LSAMP: variants seen among roughly 807,000 people sequenced by gnomAD.
The protein encoded by LSAMP is limbic system-associated membrane protein.
In LSAMP, 7 loss-of-function variants were observed where a neutral mutation model predicts 38.6. That is an observed-to-expected ratio of 0.18 (90% CI 0.10 to 0.34). The LOEUF (loss-of-function observed/expected upper bound fraction) is 0.34, where lower values mean the gene tolerates loss of function less well. LSAMP is among the 10% of genes least tolerant of loss of function. LSAMP has a pLI of 1.00. For synonymous variants in LSAMP, 154 were observed against 166.8 expected, an observed-to-expected ratio of 0.92 and a Z score of 0.59; for missense variants, 313 against 420.0, an observed-to-expected ratio of 0.75 and a Z score of 2.23.
chr3:116,189,022 T>C (rs1273738404), intron 1 of LSAMP, among the ~76,000 whole-genome samples: 1 of 152,218 alleles, frequency 6.6e-6, no homozygotes, highest in Non-Finnish European at 1.5e-5. Flanking sequence ...TTCTAGGTGC[T>C]GGAAACACGA....
In LSAMP at chr3:116,111,436, G is replaced by C. The variant is rs575470768; in HGVS notation, c.156-24880C>G. ...AGCTCATAAATTTTCACTGAGACAT[G>C]AGTTAATACCTCATTTCCATCAATG... On this transcript the variant is annotated intron_variant, in intron 1 of 6. Transcript: ENST00000490035. 2.6e-5 allele frequency among the ~76,000 whole-genome samples: 4 copies of C among 152,288 alleles called. No individual in the cohort carries two copies. The East Asian group carries it at 5.8e-4, about 22-fold the overall frequency.
chr3:116,338,227 G>A (rs1158506130), intron 1 of LSAMP, among the ~76,000 whole-genome samples: 2 of 152,064 alleles, frequency 1.3e-5, no homozygotes, highest in East Asian at 3.9e-4. Context: ...CTGTGGTCTA[G>A]TGAGCTTAGG....
Position 115,976,539 on chromosome 3 carries a change from A to G in LSAMP, c.514+42976T>C, listed in dbSNP as rs577525238. Among the ~76,000 whole-genome samples, 13 of 152,316 alleles carry G rather than the reference A, an allele frequency of 8.5e-5. No individual in the cohort carries two copies. The South Asian group carries it at 2.7e-3, about 32-fold the overall frequency. On this transcript the variant is annotated intron_variant, in intron 3 of 6. Coordinates refer to ENST00000490035, the MANE Select transcript of LSAMP (RefSeq NM_002338.5). ...TTTCAGAAGCAATTTTAAAAAGATG[A>G]TCTCCAGGAGACAAATAGTACAGTA... is the stretch of plus-strand genomic sequence containing the variant.
chr3:115,830,862 G>T (rs555753664), intron 6 of LSAMP, among the ~76,000 whole-genome samples: 1 of 152,118 alleles, frequency 6.6e-6, no homozygotes, highest in African/African-American at 2.4e-5. Flanking sequence ...GGGCAGGTAC[G>T]CCCTCTCCTC....
intron 1 of LSAMP, among the ~76,000 whole-genome samples, chr3:116,206,319 G>A (rs1460032756): frequency 9.4e-5 from 14 of 149,192 alleles, no homozygotes; most frequent in South Asian, 4.3e-4. Flanking sequence ...TCTTGCTAGC[G>A]GTCTATCAAT....
intron 1 of LSAMP, among the ~76,000 whole-genome samples, chr3:116,317,355 T>C (rs1390339534): frequency 6.7e-6 from 1 of 149,198 alleles, no homozygotes; most frequent in Non-Finnish European, 1.5e-5. Flanking sequence ...TCTCTTTCTT[T>C]CTTTTTTTTT....
intron 1 of LSAMP, among the ~76,000 whole-genome samples, chr3:116,224,376 G>A (rs528422963): frequency 6.6e-6 from 1 of 152,224 alleles, no homozygotes; most frequent in South Asian, 2.1e-4. Context: ...ATGCTTCTAA[G>A]GACTTCTTTT....
intron 1 of LSAMP, among the ~76,000 whole-genome samples, chr3:116,358,056 A>G (rs1315761128): frequency 6.6e-6 from 1 of 152,156 alleles, no homozygotes; most frequent in Non-Finnish European, 1.5e-5. Flanking sequence ...ATTACTTTCT[A>G]TCCTTGCATG....
In LSAMP at chr3:115,842,589, G is replaced by C; in HGVS notation, c.650-11C>G. On this transcript the variant is annotated splice_polypyrimidine_tract_variant and intron_variant, in intron 4 of 6. Coordinates refer to ENST00000490035, the MANE Select transcript of LSAMP (RefSeq NM_002338.5). ...TGATAGTGGGAGGATCTGTAGGAAG[G>C]ACAGGCACACAAGTTTACATGAGGG... 3 of 1,612,750 alleles carry C rather than the reference G, an allele frequency of 1.9e-6. No individual in the cohort carries two copies. Among genetic ancestry groups the C allele is most frequent in the Non-Finnish European group, 1.7e-6 (2 of 1,179,218 alleles).
chr3:115,889,856 C>T (rs542203082), intron 3 of LSAMP, among the ~76,000 whole-genome samples: 95 of 151,880 alleles, frequency 6.3e-4, no homozygotes, highest in Non-Finnish European at 1.1e-3. Context: ...TAAAACAATG[C>T]GAAAAACATA....
intron 3 of LSAMP, among the ~76,000 whole-genome samples, chr3:115,992,850 G>T (rs564044308): frequency 1.3e-5 from 2 of 152,138 alleles, no homozygotes; most frequent in South Asian, 4.2e-4. Flanking sequence ...ATGCTGTCAG[G>T]GTAACAGTGG....
intron 3 of LSAMP, among the ~76,000 whole-genome samples, chr3:115,947,070 G>A (rs1938123158): frequency 6.6e-6 from 1 of 151,956 alleles, no homozygotes; most frequent in Non-Finnish European, 1.5e-5. Context: ...CTCTACAGAT[G>A]CAAAATAAGG....
At chr3:115,974,299 G>T (rs972227701) in intron 3 of LSAMP, among the ~76,000 whole-genome samples, 1 of 151,938 alleles carries the variant, frequency 6.6e-6, no homozygotes, top group African/African-American at 2.4e-5. Context: ...AGCTGAGACC[G>T]CACCACTGCA....
intron 3 of LSAMP, among the ~76,000 whole-genome samples, chr3:115,965,190 G>T (rs1437195979): frequency 6.6e-6 from 1 of 151,876 alleles, no homozygotes; most frequent in African/African-American, 2.4e-5. Context: ...AATAGACATA[G>T]AAATAGATTA....
intron 3 of LSAMP, among the ~76,000 whole-genome samples, chr3:115,919,616 A>C (rs1248963089): frequency 6.6e-6 from 1 of 151,922 alleles, no homozygotes; most frequent in Non-Finnish European, 1.5e-5. Flanking sequence ...CAGGTTATTT[A>C]TTTATTTATT....
At chr3:116,093,710 C>A (rs945812637) in intron 1 of LSAMP, among the ~76,000 whole-genome samples, 1 of 152,086 alleles carries the variant, frequency 6.6e-6, no homozygotes, top group African/African-American at 2.4e-5. Flanking sequence ...CTTTGTTCAT[C>A]AGAAAACTTT....
At chr3:116,326,267 C>A (rs1438310003) in intron 1 of LSAMP, among the ~76,000 whole-genome samples, 1 of 151,978 alleles carries the variant, frequency 6.6e-6, no homozygotes, top group Non-Finnish European at 1.5e-5. Flanking sequence ...AAAAAGGCAA[C>A]TTTCATCAGG....
intron 1 of LSAMP, among the ~76,000 whole-genome samples, chr3:116,424,029 A>G (rs1159186481): frequency 3.9e-5 from 6 of 152,182 alleles, no homozygotes; most frequent in Non-Finnish European, 8.8e-5. Flanking sequence ...GAGAGGAAAA[A>G]CAAGCAATGT....
intron 1 of LSAMP, among the ~76,000 whole-genome samples, chr3:116,248,370 C>T (rs1383379133): frequency 1.3e-5 from 2 of 151,992 alleles, no homozygotes; most frequent in Non-Finnish European, 2.9e-5. Flanking sequence ...GACACAGGTG[C>T]ACACACCTGT....
Sources: allele counts gnomAD v4.1 joint callset (sites outside exome capture counted in the v4.1 genomes callset), GRCh38; gene constraint gnomAD v4.1.1; transcripts MANE v1.5; gene names NCBI Gene and HGNC (gene_info 2026-07-23, HGNC 2026-07-21).